Variants in HS3ST5 observed in about 807,000 individuals in gnomAD.
HS3ST5 encodes the protein heparan sulfate glucosamine 3-O-sulfotransferase 5.
A neutral mutation model predicts 25.4 loss-of-function variants in HS3ST5; 10 were observed. The ratio of observed to expected loss-of-function variants is 0.39; its 90% CI spans 0.24 to 0.67. The LOEUF is 0.67. HS3ST5 is among the 30% of genes least tolerant of loss of function. HS3ST5 has a pLI of 0.44. For synonymous variants in HS3ST5, 170 were observed against 162.4 expected, an observed-to-expected ratio of 1.05 and a Z score of -0.36; for missense variants, 324 against 420.7, an observed-to-expected ratio of 0.77 and a Z score of 2.01.
chr6:114,059,902 T>C (rs778925474), intron 4 of HS3ST5: 27 of 152,254 alleles, frequency 1.8e-4, no homozygotes, highest in African/African-American at 2.4e-4. Context: ...CAGCTATCTA[T>C]CATAATGCTT....
intron 2 of HS3ST5, among the ~76,000 whole-genome samples, chr6:114,192,403 C>T (rs1780545453): frequency 6.6e-6 from 1 of 152,198 alleles, no homozygotes; most frequent in African/African-American, 2.4e-5. Flanking sequence ...TCTTTCTCAA[C>T]ATTACAAAGC....
intron 1 of HS3ST5, among the ~76,000 whole-genome samples, chr6:114,341,847 G>T (rs1310034491): frequency 6.6e-6 from 1 of 152,066 alleles, no homozygotes; most frequent in Non-Finnish European, 1.5e-5. Flanking sequence ...TCTGGCGAGC[G>T]CAGTAAACGC....
intron 3 of HS3ST5, among the ~76,000 whole-genome samples, chr6:114,159,954 T>C (rs1043915807): frequency 1.1e-4 from 17 of 152,302 alleles, no homozygotes; most frequent in Admixed American, 8.5e-4. Context: ...ACTTGCTGTA[T>C]TGGAGGTAGC....
chr6:114,321,568 A>G (rs892102645), intron 1 of HS3ST5, among the ~76,000 whole-genome samples: 1 of 152,176 alleles, frequency 6.6e-6, no homozygotes, highest in African/African-American at 2.4e-5. Flanking sequence ...AGTTGTTAAC[A>G]GTGCAAGTTC....
At chr6:114,061,475 A>G (rs1773109234) in intron 4 of HS3ST5, among the ~76,000 whole-genome samples, 1 of 152,236 alleles carries the variant, frequency 6.6e-6, no homozygotes, top group Admixed American at 6.5e-5. Flanking sequence ...GAAAACAAGG[A>G]CCACTGCTAT....
chr6:114,242,846 C>T (rs1173479444), intron 1 of HS3ST5, among the ~76,000 whole-genome samples: 4 of 140,208 alleles, frequency 2.9e-5, no homozygotes, highest in Non-Finnish European at 6.1e-5. Flanking sequence ...GGCGACAGAG[C>T]GAGACTCCGT....
intron 1 of HS3ST5, among the ~76,000 whole-genome samples, chr6:114,242,901 A>G (rs1006190379): frequency 6.6e-6 from 1 of 150,924 alleles, no homozygotes; most frequent in Non-Finnish European, 1.5e-5. Context: ...GTCTTTCTTT[A>G]CCCCTTTTCT....
intron 1 of HS3ST5, among the ~76,000 whole-genome samples, chr6:114,238,705 C>T (rs550902017): frequency 8.5e-5 from 13 of 152,184 alleles, no homozygotes; most frequent in African/African-American, 2.6e-4. Flanking sequence ...GAGATGTCAC[C>T]AACTACTCAT....
chr6:114,309,485 G>A (rs568004248), intron 1 of HS3ST5, among the ~76,000 whole-genome samples: 7 of 152,288 alleles, frequency 4.6e-5, no homozygotes, highest in African/African-American at 1.2e-4. Flanking sequence ...TGCCAAGGCA[G>A]GCAGAGCACT....
At chr6:114,239,238 C>T (rs1771993012) in intron 1 of HS3ST5, 1 of 152,132 alleles carries the variant, frequency 6.6e-6, no homozygotes, top group Non-Finnish European at 1.5e-5. Context: ...CATTAATTTT[C>T]AGTTAGCAAA....
intron 3 of HS3ST5, chr6:114,143,155 T>C (rs558471149): frequency 1.3e-5 from 2 of 152,382 alleles, no homozygotes; most frequent in South Asian, 4.1e-4. Flanking sequence ...ACATGTGGCC[T>C]TGGGCAAATT....
At chr6:114,221,848 T>G (rs1279889468) in intron 2 of HS3ST5, among the ~76,000 whole-genome samples, 1 of 151,848 alleles carries the variant, frequency 6.6e-6, no homozygotes, top group African/African-American at 2.4e-5. Flanking sequence ...AGTGATACTA[T>G]AATAATTTAA....
chr6:114,084,550 T>C (rs1582581532), intron 3 of HS3ST5: 1 of 760,676 alleles, frequency 1.3e-6, no homozygotes, highest in Non-Finnish European at 2.4e-6. Flanking sequence ...ACCCGCTGAG[T>C]GAGCTCCCTC....
intron 3 of HS3ST5, among the ~76,000 whole-genome samples, chr6:114,102,523 A>AGGAG (rs1366735442): frequency 2.0e-5 from 3 of 152,186 alleles, no homozygotes; most frequent in African/African-American, 7.2e-5. Flanking sequence ...GCCATGATTG[A>AGGAG]GGAGGGTACA....
At chr6:114,148,839 C>G (rs1409592684) in intron 3 of HS3ST5, among the ~76,000 whole-genome samples, 1 of 151,906 alleles carries the variant, frequency 6.6e-6, no homozygotes, top group Non-Finnish European at 1.5e-5. Flanking sequence ...TGCAATCTAC[C>G]CATCTGACAG....
chr6:114,289,151 T>A (rs1261904296), intron 1 of HS3ST5, among the ~76,000 whole-genome samples: 1 of 152,110 alleles, frequency 6.6e-6, no homozygotes, highest in Non-Finnish European at 1.5e-5. Context: ...AGAATATACA[T>A]ATTTTAAAAT....
chr6:114,070,126 T>C (rs1448387523), intron 3 of HS3ST5, among the ~76,000 whole-genome samples: 1 of 152,054 alleles, frequency 6.6e-6, no homozygotes, highest in East Asian at 1.9e-4. Context: ...GTCCCCAAAG[T>C]CCATTCTATC....
At chr6:114,063,440 A>C (rs1163833311) in intron 3 of HS3ST5, among the ~76,000 whole-genome samples, 10 of 151,670 alleles carry the variant, frequency 6.6e-5, no homozygotes. Flanking sequence ...ACTTGAACCC[A>C]AGAGGTGGAG....
intron 2 of HS3ST5, among the ~76,000 whole-genome samples, chr6:114,183,960 T>A (rs1780081937): frequency 6.6e-6 from 1 of 152,124 alleles, no homozygotes; most frequent in South Asian, 2.1e-4. Context: ...ATTGTGTTCA[T>A]GTTCTAGTGC....
Sources: allele counts gnomAD v4.1 joint callset (sites outside exome capture counted in the v4.1 genomes callset), GRCh38; gene constraint gnomAD v4.1.1; transcripts MANE v1.5; gene names NCBI Gene and HGNC (gene_info 2026-07-23, HGNC 2026-07-21).